The following ERN1 variants were observed in gnomAD, a reference collection of about 807,000 sequenced individuals.
ERN1 encodes the protein serine/threonine-protein kinase/endoribonuclease IRE1.
Under a neutral mutation model 113.1 loss-of-function variants are expected in ERN1, and 39 were observed. The ratio of observed to expected loss-of-function variants is 0.34; its 90% CI spans 0.27 to 0.45. The LOEUF (loss-of-function observed/expected upper bound fraction) is 0.45. Ranked by LOEUF, ERN1 falls within the 20% of genes least tolerant of loss-of-function variation. The pLI is 1.00. For missense variants in ERN1, 976 were observed against 1,274.8 expected (o/e 0.77, Z 3.57); for synonymous variants, 507 against 515.9 (o/e 0.98, Z 0.23).
chr17:64,054,377 G>A lies in ERN1; in HGVS notation c.1826C>T (p.Ala609Val). 6.2e-7 allele frequency: 1 copy of A among 1,606,080 alleles called. No individual in the cohort carries two copies. Among genetic ancestry groups the A allele is most frequent in the Non-Finnish European group, 8.5e-7 (1 of 1,176,308 alleles). The change falls in exon 15 of 22, where the codon GCA (alanine) becomes GTA (valine). Residue 609 changes from alanine (A) to valine (V), a missense_variant. Physicochemically the swap from Ala to Val is moderately conservative, Grantham distance 64. Transcript: ENST00000433197. The surrounding 1 kb of genome is among the most constrained non-coding windows in gnomAD (Gnocchi z 4.9). ...TCGCAACAGCTGGACCTCACGGTCT[G>A]CGAAGCTAAAACACTCGGGGAGGAT... ...KRILPECFSF[A>V]DREVQLLRES... is the part of the protein sequence containing the mutation.
intron 11 of ERN1, 63 bp downstream of exon 11, chr17:64,060,406 C>T: frequency 1.9e-6 from 2 of 1,034,068 alleles, no homozygotes; most frequent in Non-Finnish European, 1.5e-6. Flanking sequence ...GAGTCAAAGT[C>T]TAATGCCTCA....
In ERN1 at chr17:64,045,369, G is replaced by T; in HGVS notation, c.2643C>A (p.Pro881=). The T allele has an allele frequency of 6.2e-7, 1 of 1,613,844 alleles. No individual in the cohort carries two copies. Among genetic ancestry groups the T allele is most frequent in the South Asian group, 1.1e-5 (1 of 91,078 alleles). ...KMDWRENITV[P]LQTDLRKFRT... is the part of the protein sequence containing the mutation. ...CTGCAGCATGATCACCTGTCTGGAG[G>T]GGGACAGTGATGTTCTCCCGCCAGT... is the stretch of plus-strand genomic sequence containing the variant. The change falls in exon 20 of 22, where the codon CCC becomes CCA. Residue 881 remains proline (P), a synonymous_variant. Transcript: ENST00000433197.
chr17:64,126,909 A>C (rs1915095246), intron 1 of ERN1, among the ~76,000 whole-genome samples: 1 of 152,046 alleles, frequency 6.6e-6, no homozygotes, highest in African/African-American at 2.4e-5. Flanking sequence ...GAAATCTGAT[A>C]TCTTATAGCT....
At chr17:64,121,087 T>A (rs1203962755) in intron 1 of ERN1, among the ~76,000 whole-genome samples, 2 of 152,116 alleles carry the variant, frequency 1.3e-5, no homozygotes, top group Non-Finnish European at 2.9e-5. Flanking sequence ...CCTTCCCCCC[T>A]TGCTCCTTCC....
chr17:64,044,998 A>G lies in ERN1; in HGVS notation c.2654-71T>C. On this transcript the variant is annotated intron_variant, in intron 20 of 21. Coordinates refer to ENST00000433197, the MANE Select transcript of ERN1 (RefSeq NM_001433.5). The surrounding 1 kb of genome is among the most constrained non-coding windows in gnomAD (Gnocchi z 4.1). ...AATACATTTTAAAAGAAAACAATTCATGGGGTCCTGGGATTAGGGAGTTGG... is the reference window on the plus strand; with the variant it reads ...AATACATTTTAAAAGAAAACAATTCGTGGGGTCCTGGGATTAGGGAGTTGG... 1 of 1,134,964 alleles carries G rather than the reference A, an allele frequency of 8.8e-7. No homozygotes were observed. Among genetic ancestry groups the G allele is most frequent in the African/African-American group, 1.5e-5 (1 of 64,986 alleles). 70.3% of individuals were successfully genotyped at this position (1,134,964 alleles called of 1,614,324 possible).
intron 1 of ERN1, among the ~76,000 whole-genome samples, chr17:64,104,757 T>G (rs1914477354): frequency 6.6e-6 from 1 of 152,020 alleles, no homozygotes; most frequent in Admixed American, 6.6e-5. Context: ...AGGAAGGGGT[T>G]GCAGTGAGCC....
intron 17 of ERN1, among the ~76,000 whole-genome samples, chr17:64,050,825 T>C (rs1174234071): frequency 6.6e-6 from 1 of 152,224 alleles, no homozygotes; most frequent in Non-Finnish European, 1.5e-5. Flanking sequence ...GTTTTTATGA[T>C]TCTTCGCTGT....
chr17:64,057,888 C>T lies in ERN1; in HGVS notation c.1312G>A (p.Asp438Asn), dbSNP rs766842406. The change falls in exon 12 of 22, where the codon GAC (aspartate) becomes AAC (asparagine). Residue 438 changes from aspartate (D) to asparagine (N), a missense_variant. Around this residue, in one of 5 missense-constraint regions of ERN1, gnomAD observed 459 missense variants for 581.2 expected, o/e 0.79. Coordinates refer to ENST00000433197, the MANE Select transcript of ERN1 (RefSeq NM_001433.5). ...GTAGCCATGTCCTTAAGCATGGAGT[C>T]CACGGGGGCCTCGGGCCGGGCAGGG... ...HAPARPEAPV[D>N]SMLKDMATII... 5.0e-6 allele frequency: 8 copies of T among 1,613,688 alleles called. No homozygotes were observed. The highest frequency in any genetic ancestry group is 3.3e-5 in the South Asian group (3 of 91,030).
At chr17:64,106,219 T>C (rs1914522955) in intron 1 of ERN1, among the ~76,000 whole-genome samples, 1 of 152,152 alleles carries the variant, frequency 6.6e-6, no homozygotes, top group African/African-American at 2.4e-5. Flanking sequence ...CATATTACAG[T>C]ATTAAAGGTA....
At chr17:64,056,502 C>T (rs947974716) in intron 12 of ERN1, among the ~76,000 whole-genome samples, 3 of 152,198 alleles carry the variant, frequency 2.0e-5, no homozygotes, top group Non-Finnish European at 4.4e-5. Flanking sequence ...GTGGGGCTGA[C>T]ACATGGTGAG....
At position 64,044,329 on chromosome 17, in the gene ERN1, A is replaced by G. The variant is rs140811600; in HGVS notation, c.2722-129T>C. On this transcript the variant is annotated intron_variant, in intron 21 of 21. Transcript: ENST00000433197. The surrounding 1 kb of genome is among the most constrained non-coding windows in gnomAD (Gnocchi z 4.1). ...TGTTGGTTTTTGGTAAAGAAAAAGA[A>G]AAAAGGCTTATGTATCCAAGAATCC... The G allele has an allele frequency of 2.9e-3, 1,876 of 650,708 alleles. 23 individuals carry two copies. In the African/African-American group the frequency reaches 0.032, roughly 11 times the overall value. The allele number at this position is 650,708 out of a possible 1,614,324, so 40.3% of individuals were successfully genotyped here. A position where few individuals can be genotyped will look rare whatever the true frequency, so the allele number is the denominator to read the frequency against.
At position 64,075,260 on chromosome 17, in the gene ERN1, AAAAAAAG is replaced by A; in HGVS notation, c.283-20_283-14del. 6.7e-7 allele frequency: 1 copy of A among 1,492,666 alleles called. No homozygotes were observed. Among genetic ancestry groups the A allele is most frequent in the Non-Finnish European group, 8.9e-7 (1 of 1,127,314 alleles). 92.5% of individuals were successfully genotyped at this position (1,492,666 alleles called of 1,614,324 possible). ...TAAAAGGAAGTTTCTTTAAAAAAAAAAAAAAAGAAAAAAAAAAGTTAACCAAGTCTTG... is the reference window on the plus strand; with the variant it reads ...TAAAAGGAAGTTTCTTTAAAAAAAAAAAAAAAAAAAGTTAACCAAGTCTTG... On this transcript the variant is annotated splice_polypyrimidine_tract_variant and intron_variant, in intron 4 of 21. Coordinates refer to ENST00000433197, the MANE Select transcript of ERN1 (RefSeq NM_001433.5).
rs990044056 is a variant in ERN1, at chr17:64,065,245, G to A, written c.885C>T (p.Ala295=). 1 of 1,609,684 alleles carries A rather than the reference G, an allele frequency of 6.2e-7. No homozygotes were observed. Among genetic ancestry groups the A allele is most frequent in the Admixed American group, 1.7e-5 (1 of 59,458 alleles). ...YVGKYSTSLY[A]SPSMVHEGVA... ...CCCCCTCGTGTACCATTGAGGGAGA[G>A]GCATAGAGGCTGGTAGAGTATTTCC... The change falls in exon 9 of 22, where the codon GCC becomes GCT. Residue 295 remains alanine, a synonymous_variant. Coordinates refer to ENST00000433197, the MANE Select transcript of ERN1 (RefSeq NM_001433.5).
intron 1 of ERN1, among the ~76,000 whole-genome samples, chr17:64,115,536 G>T (rs1415230833): frequency 6.6e-6 from 1 of 152,158 alleles, no homozygotes; most frequent in Non-Finnish European, 1.5e-5. Context: ...GTCCTGCCCA[G>T]AGCAGTTCCA....
intron 11 of ERN1, among the ~76,000 whole-genome samples, 180 bp downstream of exon 11, chr17:64,060,289 A>G (rs556854220): frequency 6.6e-6 from 1 of 152,086 alleles, no homozygotes; most frequent in South Asian, 2.1e-4. Flanking sequence ...TTCTTTCACA[A>G]GTTGCTTCCT....
chr17:64,048,812 A>G lies in ERN1; in HGVS notation c.2401+243T>C, dbSNP rs535207732. Among the ~76,000 whole-genome samples, 249 of 89,124 alleles carry G rather than the reference A, an allele frequency of 2.8e-3. 1 individual carries two copies. The highest frequency in any genetic ancestry group is 6.3e-3 in the African/African-American group (243 of 38,384). The allele number at this position is 89,124 out of a possible 152,430, so 58.5% of individuals were successfully genotyped here. ...CTCCAAAGGGGGCTTTGCCTAGGTC[A>G]CACAAGTAGTTGGTGACCTGGAGGA... On this transcript the variant is annotated intron_variant, in intron 18 of 21. Transcript: ENST00000433197.
At chr17:64,089,379 C>T (rs867133548) in intron 2 of ERN1, among the ~76,000 whole-genome samples, 1 of 149,508 alleles carries the variant, frequency 6.7e-6, no homozygotes, top group Non-Finnish European at 1.5e-5. Flanking sequence ...ATCCCAAATC[C>T]GAAAATCCAA....
rs185771482 is a variant in ERN1 at position 64,045,374 on chromosome 17, C to T, written c.2638G>A (p.Val880Ile). 167 of 1,613,812 alleles carry T rather than the reference C, an allele frequency of 1.0e-4. No homozygotes were observed. The highest frequency in any genetic ancestry group is 3.3e-4 in the Middle Eastern group (2 of 6,034). Residue 880 changes from valine (V) to isoleucine (I), a missense_variant, in exon 20 of 22, where the codon GTC becomes ATC. Physicochemically the swap from Val to Ile is conservative, Grantham distance 29. This residue lies in a region of ERN1 where 297 missense variants were observed against 457.8 expected (regional missense o/e 0.65). Transcript: ENST00000433197. ...GCATGATCACCTGTCTGGAGGGGGA[C>T]AGTGATGTTCTCCCGCCAGTCCATC... is the stretch of plus-strand genomic sequence containing the variant. Reference protein sequence around the residue: ...VKMDWRENITVPLQTDLRKFR... With the variant: ...VKMDWRENITIPLQTDLRKFR...
chr17:64,078,204 C>A (rs1192848373), intron 4 of ERN1, among the ~76,000 whole-genome samples: 1 of 152,206 alleles, frequency 6.6e-6, no homozygotes, highest in East Asian at 1.9e-4. Context: ...TCTTTTTCTA[C>A]TTTCCTTGTT....
Sources: gnomAD v4.1 joint callset for allele counts (sites outside exome capture counted in the v4.1 genomes callset) on GRCh38, gnomAD v4.1.1 for gene constraint, gnomAD v4.1.1 regional missense constraint, Gnocchi (gnomAD v3.1) non-coding constraint, MANE v1.5 for transcripts, NCBI Gene and HGNC (gene_info 2026-07-23, HGNC 2026-07-21) for gene names.